Variants in EXD3 observed in about 807,000 individuals in gnomAD.
The protein encoded by EXD3 is exonuclease 3'-5' domain containing 3.
EXD3 carries 92 observed loss-of-function variants against 98.0 expected under a neutral mutation model. The ratio of observed to expected loss-of-function variants is 0.94; its 90% confidence interval spans 0.79 to 1.12. The LOEUF (loss-of-function observed/expected upper bound fraction) is 1.12, where lower values mean the gene tolerates loss of function less well. EXD3 is among the 50% of genes most tolerant of loss of function. EXD3 has a pLI of 0.00. For missense variants in EXD3, 1,222 were observed against 1,191.6 expected (o/e 1.03, Z -0.38); for synonymous variants, 569 against 526.0 (o/e 1.08, Z -1.12).
rs561590270 is a variant in EXD3 at position 137,327,226 on chromosome 9, C to T, written c.1999-3083G>A. On this transcript the variant is annotated intron_variant, in intron 17 of 21. Coordinates refer to ENST00000340951, the MANE Select transcript of EXD3 (RefSeq NM_017820.5). The stretch of plus-strand genomic sequence containing the variant: ...TTGGCTCACTGCAAGTTCTGCCTCC[C>T]GGGTTCACGCCATTCTCCTGCCTCA... 4.8e-4 allele frequency among the ~76,000 whole-genome samples: 73 copies of T among 151,918 alleles called. 1 individual carries two copies. In the South Asian group the frequency reaches 7.9e-3, roughly 17 times the overall value.
At position 137,395,487 on chromosome 9, in the gene EXD3, T is replaced by C; in HGVS notation, c.-47-83A>G. ...AGCCCACGCCCACAGCCCCTGGAGGTGGTGGAGGGAGCTGGTGCCTGGGGG... is the reference window on the plus strand; with the variant it reads ...AGCCCACGCCCACAGCCCCTGGAGGCGGTGGAGGGAGCTGGTGCCTGGGGG... On this transcript the variant is annotated intron_variant, in intron 1 of 21. Transcript: ENST00000340951. The surrounding 1 kb of genome is among the most constrained non-coding windows in gnomAD (Gnocchi z 6.5). 1 of 1,367,514 alleles carries C rather than the reference T, an allele frequency of 7.3e-7. No homozygotes were observed. The highest frequency in any genetic ancestry group is 1.3e-5 in the South Asian group (1 of 77,166). The allele number at this position is 1,367,514 out of a possible 1,614,324, so 84.7% of individuals were successfully genotyped here.
At chr9:137,386,032 A>G (rs1488046186) in intron 2 of EXD3, among the ~76,000 whole-genome samples, 1 of 152,066 alleles carries the variant, frequency 6.6e-6, no homozygotes, top group Non-Finnish European at 1.5e-5. Flanking sequence ...AAGGTGGCTT[A>G]CACTTGTAAT....
intron 19 of EXD3, among the ~76,000 whole-genome samples, chr9:137,314,910 C>T (rs952688477): frequency 2.0e-5 from 3 of 152,204 alleles, no homozygotes; most frequent in Non-Finnish European, 2.9e-5. Flanking sequence ...CCCTCGTGCG[C>T]GGGGAGACGT....
At chr9:137,331,574 A>G (rs901645551) in intron 17 of EXD3, among the ~76,000 whole-genome samples, 1 of 152,180 alleles carries the variant, frequency 6.6e-6, no homozygotes, top group African/African-American at 2.4e-5. Flanking sequence ...TCAGGTTACA[A>G]AATAAATGTG....
At chr9:137,344,505 C>A (rs1016087183) in intron 17 of EXD3, among the ~76,000 whole-genome samples, 12 of 152,176 alleles carry the variant, frequency 7.9e-5, no homozygotes, top group Non-Finnish European at 1.6e-4. Flanking sequence ...TCTGCGGAGG[C>A]GGCCAAGGGC....
At position 137,355,484 on chromosome 9, in the gene EXD3, AAGGAGGATGGAGG is replaced by A. The variant is rs1564508217; in HGVS notation, c.758-724_758-712del. On this transcript the variant is annotated intron_variant, in intron 8 of 21. Transcript: ENST00000340951. The stretch of plus-strand genomic sequence containing the variant: ...GAGAAAGGAGGAAGGAGGAAGGAGG[AAGGAGGATGGAGG>A]AAGGAGGAAGGAGGAAGGAGGAAGG... Among the ~76,000 whole-genome samples the A allele has an allele frequency of 1.0e-4, 13 of 127,162 alleles. 1 individual carries two copies. The highest frequency in any genetic ancestry group is 4.0e-4 in the African/African-American group (12 of 29,840). The allele number at this position is 127,162 out of a possible 152,430, so 83.4% of individuals were successfully genotyped here. A position where few individuals can be genotyped will look rare whatever the true frequency, so the allele number is the denominator to read the frequency against.
At chr9:137,415,200 G>GTT (rs367864696) in intron 1 of EXD3, among the ~76,000 whole-genome samples, 12 of 140,842 alleles carry the variant, frequency 8.5e-5, no homozygotes, top group Admixed American at 4.3e-4. Context: ...TCACAGGTTT[G>GTT]TTTTTTTTTT....
rs949794337 is a variant in EXD3 at position 137,395,116 on chromosome 9, G to A, written c.55+187C>T. Among the ~76,000 whole-genome samples the A allele has an allele frequency of 6.6e-6, 1 of 152,084 alleles. No homozygotes were observed. Among genetic ancestry groups the A allele is most frequent in the South Asian group, 2.1e-4 (1 of 4,826 alleles). ...CTGTCCTGACCCCCGAGGACAACAAGGCCACAGTGGGGCCTCCGGACTCAC... is the reference window on the plus strand; with the variant it reads ...CTGTCCTGACCCCCGAGGACAACAAAGCCACAGTGGGGCCTCCGGACTCAC... On this transcript the variant is annotated intron_variant, in intron 2 of 21. Transcript: ENST00000340951. This position sits in a 1 kb window ranked among gnomAD's most constrained non-coding sequence, Gnocchi z 6.5.
chr9:137,368,188 T>C (rs1160499108), intron 5 of EXD3, among the ~76,000 whole-genome samples, 199 bp from the exon 6 acceptor site: 3 of 152,194 alleles, frequency 2.0e-5, no homozygotes, highest in African/African-American at 7.2e-5. Context: ...AGCCAGGCCT[T>C]GCATAGGCTG....
At chr9:137,337,880 C>T (rs1478929884) in intron 17 of EXD3, among the ~76,000 whole-genome samples, 3 of 151,778 alleles carry the variant, frequency 2.0e-5, no homozygotes, top group African/African-American at 4.8e-5. Flanking sequence ...CTCCACCTCC[C>T]GGGTTCATGC....
chr9:137,332,191 C>A (rs1227950861), intron 17 of EXD3, among the ~76,000 whole-genome samples: 1 of 152,174 alleles, frequency 6.6e-6, no homozygotes, highest in South Asian at 2.1e-4. Context: ...CAGTGCAATT[C>A]CTATCAAAGT....
intron 13 of EXD3, 42 bp from the exon 14 acceptor site, chr9:137,351,189 G>C: frequency 6.5e-7 from 1 of 1,543,488 alleles, no homozygotes; most frequent in South Asian, 1.2e-5. Flanking sequence ...CTGCAGGCAG[G>C]GACCGCACTG....
intron 8 of EXD3, among the ~76,000 whole-genome samples, chr9:137,355,707 A>T (rs866492525): frequency 7.9e-5 from 11 of 139,202 alleles, no homozygotes; most frequent in African/African-American, 1.7e-4. Flanking sequence ...GGAAGGAGGA[A>T]GGAGGAAGGA....
chr9:137,370,713 G>A (rs1835546882), intron 5 of EXD3, among the ~76,000 whole-genome samples: 2 of 151,564 alleles, frequency 1.3e-5, no homozygotes, highest in South Asian at 4.2e-4. Flanking sequence ...AGGCTGGGCA[G>A]GTGCCCAGGC....
chr9:137,413,503 C>CTTTT (rs768508083), intron 1 of EXD3, among the ~76,000 whole-genome samples: 1 of 128,784 alleles, frequency 7.8e-6, no homozygotes. Context: ...CCTGGCCTAG[C>CTTTT]TTTTTTTTTT....
In EXD3 at chr9:137,395,535, G is replaced by A. The variant is rs971317474; in HGVS notation, c.-47-131C>T. On this transcript the variant is annotated intron_variant, in intron 1 of 21. Coordinates refer to ENST00000340951, the MANE Select transcript of EXD3 (RefSeq NM_017820.5). This position sits in a 1 kb window ranked among gnomAD's most constrained non-coding sequence, Gnocchi z 6.5. Reference sequence around the variant, plus strand: ...GGGGGCCCAAGTGGGACCCCCAGTCGCTGAGCATAGCGGGCAGCTCCACAC... The same window carrying A: ...GGGGGCCCAAGTGGGACCCCCAGTCACTGAGCATAGCGGGCAGCTCCACAC... 10 of 785,058 alleles carry A rather than the reference G, an allele frequency of 1.3e-5. No homozygotes were observed. The highest frequency in any genetic ancestry group is 1.7e-5 in the African/African-American group (1 of 57,354). 48.6% of individuals were successfully genotyped at this position (785,058 alleles called of 1,614,324 possible).
chr9:137,313,087 A>G (rs1831452996), intron 19 of EXD3, among the ~76,000 whole-genome samples: 1 of 152,108 alleles, frequency 6.6e-6, no homozygotes, highest in East Asian at 1.9e-4. Flanking sequence ...GCCCCTGCAC[A>G]CAACACCCTT....
intron 17 of EXD3, among the ~76,000 whole-genome samples, chr9:137,330,196 C>T (rs1475120527): frequency 7.3e-6 from 1 of 137,822 alleles, no homozygotes. Context: ...CACAGGACTA[C>T]ACAGGACTAC....
Position 137,367,911 on chromosome 9 carries a change from C to T in EXD3, c.516+25G>A, listed in dbSNP as rs766150344. On this transcript the variant is annotated intron_variant, in intron 6 of 21. Transcript: ENST00000340951. Reference sequence around the variant, plus strand: ...GGCGTTATCCAAGTTTGAACCTAAACAATTTACATGAGAAAGACGTTCACC... The same window carrying T: ...GGCGTTATCCAAGTTTGAACCTAAATAATTTACATGAGAAAGACGTTCACC... 7.5e-6 allele frequency: 12 copies of T among 1,610,366 alleles called. No homozygotes were observed. In the Admixed American group the frequency reaches 1.8e-4, roughly 25 times the overall value.
Sources: gnomAD v4.1 joint callset for allele counts (sites outside exome capture counted in the v4.1 genomes callset) on GRCh38, gnomAD v4.1.1 for gene constraint, Gnocchi (gnomAD v3.1) non-coding constraint, MANE v1.5 for transcripts, NCBI Gene and HGNC (gene_info 2026-07-23, HGNC 2026-07-21) for gene names.